Variants in ST6GALNAC5 observed in about 807,000 individuals in gnomAD.
ST6GALNAC5 encodes the protein alpha-N-acetylgalactosaminide alpha-2,6-sialyltransferase 5.
ST6GALNAC5 carries 27 observed loss-of-function variants against 33.6 expected under a neutral mutation model. The ratio of observed to expected loss-of-function variants is 0.80; its 90% CI spans 0.59 to 1.11. The LOEUF (loss-of-function observed/expected upper bound fraction) is 1.11. ST6GALNAC5 is among the 50% of genes least tolerant of loss of function. The pLI is 0.00. For synonymous variants in ST6GALNAC5, 194 were observed against 171.2 expected, an observed-to-expected ratio of 1.13 and a Z score of -1.04; for missense variants, 428 against 454.0, an observed-to-expected ratio of 0.94 and a Z score of 0.52.
chr1:76,888,526 T>C (rs1653946580), intron 2 of ST6GALNAC5, among the ~76,000 whole-genome samples: 1 of 152,206 alleles, frequency 6.6e-6, no homozygotes, highest in Non-Finnish European at 1.5e-5. Context: ...TTTACATTTA[T>C]TGTAATTTTC....
At chr1:77,025,376 C>T (rs451650) in intron 2 of ST6GALNAC5, among the ~76,000 whole-genome samples, 49,713 of 151,626 alleles carry the variant, frequency 0.33, 9,176 homozygotes, top group African/African-American at 0.5. Flanking sequence ...TTACTAAAAA[C>T]ACAAAAATTA....
At chr1:76,891,884 C>T (rs1451612385) in intron 2 of ST6GALNAC5, among the ~76,000 whole-genome samples, 1 of 152,096 alleles carries the variant, frequency 6.6e-6, no homozygotes, top group African/African-American at 2.4e-5. Context: ...AAATAAACCG[C>T]ATATCTATGT....
At chr1:76,869,303 G>T (rs1653442368) in intron 2 of ST6GALNAC5, among the ~76,000 whole-genome samples, 1 of 152,162 alleles carries the variant, frequency 6.6e-6, no homozygotes, top group Non-Finnish European at 1.5e-5. Flanking sequence ...AGCTTCCATT[G>T]GTTTGAAACT....
chr1:76,913,935 T>C (rs1646940830), intron 2 of ST6GALNAC5, among the ~76,000 whole-genome samples: 2 of 152,180 alleles, frequency 1.3e-5, no homozygotes, highest in Non-Finnish European at 2.9e-5. Context: ...ATTGTATATT[T>C]AGAAAACCCC....
At chr1:77,032,820 C>T (rs769516756) in intron 2 of ST6GALNAC5, among the ~76,000 whole-genome samples, 5 of 152,196 alleles carry the variant, frequency 3.3e-5, no homozygotes, top group African/African-American at 7.2e-5. Context: ...GCTATATATA[C>T]GACTCCAAGT....
At chr1:76,947,459 G>A (rs944778289) in intron 2 of ST6GALNAC5, among the ~76,000 whole-genome samples, 4 of 152,138 alleles carry the variant, frequency 2.6e-5, no homozygotes, top group African/African-American at 9.7e-5. Context: ...TGAGAGGCCA[G>A]ACATGGTGGT....
chr1:76,916,247 A>G (rs1234816029), intron 2 of ST6GALNAC5, among the ~76,000 whole-genome samples: 1 of 152,188 alleles, frequency 6.6e-6, no homozygotes, highest in African/African-American at 2.4e-5. Context: ...GGACTAAGCC[A>G]GCCTCATCCA....
chr1:76,960,440 G>A (rs1387692599), intron 2 of ST6GALNAC5, among the ~76,000 whole-genome samples: 1 of 152,150 alleles, frequency 6.6e-6, no homozygotes, highest in Non-Finnish European at 1.5e-5. Flanking sequence ...ACAGGACGGG[G>A]CGAAATTAAA....
chr1:76,887,749 G>T (rs942180891), intron 2 of ST6GALNAC5, among the ~76,000 whole-genome samples: 1 of 152,100 alleles, frequency 6.6e-6, no homozygotes, highest in Non-Finnish European at 1.5e-5. Flanking sequence ...AAAATGTGTT[G>T]TTTGAAAATT....
intron 2 of ST6GALNAC5, among the ~76,000 whole-genome samples, chr1:76,936,771 A>G (rs1647208351): frequency 6.6e-6 from 1 of 152,046 alleles, no homozygotes; most frequent in Non-Finnish European, 1.5e-5. Context: ...ACTACTGATA[A>G]TGAAATTTTG....
intron 2 of ST6GALNAC5, among the ~76,000 whole-genome samples, chr1:76,917,076 G>A (rs1026964783): frequency 1.3e-5 from 2 of 152,164 alleles, no homozygotes; most frequent in African/African-American, 2.4e-5. Context: ...GGGCAAAGCT[G>A]TGAGCTCCAC....
At chr1:76,984,048 AAG>A (rs1167624150) in intron 2 of ST6GALNAC5, among the ~76,000 whole-genome samples, 17 of 152,364 alleles carry the variant, frequency 1.1e-4, no homozygotes, top group African/African-American at 3.8e-4. Context: ...AACTGCCCAC[AAG>A]AGAAAGCAGG....
At chr1:76,948,419 A>G (rs1053320902) in intron 2 of ST6GALNAC5, among the ~76,000 whole-genome samples, 1 of 152,130 alleles carries the variant, frequency 6.6e-6, no homozygotes, top group African/African-American at 2.4e-5. Flanking sequence ...TCTAGAACCA[A>G]CATCCCTTCA....
intron 4 of ST6GALNAC5, among the ~76,000 whole-genome samples, chr1:77,053,574 C>T (rs1033572905): frequency 6.6e-6 from 1 of 152,170 alleles, no homozygotes; most frequent in Non-Finnish European, 1.5e-5. Flanking sequence ...GTTACCTGAC[C>T]TCACTGAGCC....
rs1653430621 is a variant in ST6GALNAC5, at chr1:76,868,894, C to CA, written c.261+152_261+153insA. On this transcript the variant is annotated intron_variant, in intron 2 of 4. Transcript: ENST00000477717. The surrounding 1 kb of genome is among the most constrained non-coding windows in gnomAD (Gnocchi z 4.3). The stretch of plus-strand genomic sequence containing the variant: ...CCCGCTGGGGTAGGGTGGGCTAGTT[C>CA]CAACTTGGTATGAATTCTTATTTGG... 8.1e-7 allele frequency: 1 copy of CA among 1,233,030 alleles called. No individual in the cohort carries two copies. Among genetic ancestry groups the CA allele is most frequent in the African/African-American group, 1.6e-5 (1 of 63,012 alleles). The allele number at this position is 1,233,030 out of a possible 1,614,324, so 76.4% of individuals were successfully genotyped here.
At position 76,994,741 on chromosome 1, in the gene ST6GALNAC5, A is replaced by C. The variant is rs375258385; in HGVS notation, c.262-49463A>C. 3.9e-5 allele frequency among the ~76,000 whole-genome samples: 6 copies of C among 152,312 alleles called. No individual in the cohort carries two copies. In the South Asian group the frequency reaches 8.3e-4, roughly 21 times the overall value. ...AATTTTCTGCAATGTCAAGAGAAAA[A>C]CACAGGACAATAACCAGTTGAAAGC... On this transcript the variant is annotated intron_variant, in intron 2 of 4. Coordinates refer to ENST00000477717, the MANE Select transcript of ST6GALNAC5 (RefSeq NM_030965.3).
intron 2 of ST6GALNAC5, among the ~76,000 whole-genome samples, chr1:76,931,860 A>G (rs1200886407): frequency 6.6e-6 from 1 of 152,132 alleles, no homozygotes; most frequent in South Asian, 2.1e-4. Flanking sequence ...TGAAGTAACA[A>G]CATTTAAGGA....
Position 76,917,617 on chromosome 1 carries a change from C to A in ST6GALNAC5, c.261+48875C>A, listed in dbSNP as rs542111383. On this transcript the variant is annotated intron_variant, in intron 2 of 4. Coordinates refer to ENST00000477717, the MANE Select transcript of ST6GALNAC5 (RefSeq NM_030965.3). ...TAGTGTATTAGGGTTCTCCAGGAAT[C>A]AAAAACAATAGGCATTATAAATAAA... is the stretch of plus-strand genomic sequence containing the variant. Among the ~76,000 whole-genome samples, 16 of 151,258 alleles carry A rather than the reference C, an allele frequency of 1.1e-4. 5 individuals are homozygous for A. The highest frequency in any genetic ancestry group is 3.9e-4 in the African/African-American group (16 of 41,270).
At chr1:76,982,219 C>A (rs1649284285) in intron 2 of ST6GALNAC5, among the ~76,000 whole-genome samples, 1 of 152,130 alleles carries the variant, frequency 6.6e-6, no homozygotes, top group Non-Finnish European at 1.5e-5. Context: ...CTTCTCTGAG[C>A]TAAAGGAGTA....
Sources: allele counts gnomAD v4.1 joint callset (sites outside exome capture counted in the v4.1 genomes callset), GRCh38; gene constraint gnomAD v4.1.1; non-coding constraint Gnocchi (gnomAD v3.1); transcripts MANE v1.5; gene names NCBI Gene and HGNC (gene_info 2026-07-23, HGNC 2026-07-21).